Variants in OPCML observed in about 807,000 individuals in gnomAD.
OPCML encodes the protein opioid-binding protein/cell adhesion molecule.
A neutral mutation model predicts 37.8 loss-of-function variants in OPCML; 13 were observed. That is an observed-to-expected ratio of 0.34 (90% CI 0.22 to 0.55). OPCML has a LOEUF of 0.55. Ranked by LOEUF, OPCML falls within the 20% of genes least tolerant of loss-of-function variation. The pLI, the probability that OPCML is intolerant of heterozygous loss-of-function variation, is 0.91. For missense variants in OPCML, 341 were observed against 435.6 expected, an observed-to-expected ratio of 0.78 and a Z score of 1.93; for synonymous variants, 176 against 168.8, an observed-to-expected ratio of 1.04 and a Z score of -0.33.
chr11:132,994,059 C>G (rs748693732), intron 1 of OPCML, among the ~76,000 whole-genome samples: 3 of 152,240 alleles, frequency 2.0e-5, no homozygotes, highest in African/African-American at 4.8e-5. Flanking sequence ...TTACGTTCAT[C>G]AGGACACCAG....
chr11:132,522,279 C>T (rs1295415221), intron 4 of OPCML, among the ~76,000 whole-genome samples: 1 of 152,202 alleles, frequency 6.6e-6, no homozygotes, highest in African/African-American at 2.4e-5. Context: ...TATATCATTC[C>T]CACTCTACAC....
intron 2 of OPCML, among the ~76,000 whole-genome samples, chr11:132,799,195 A>G (rs1452641566): frequency 6.6e-6 from 1 of 152,124 alleles, no homozygotes; most frequent in Non-Finnish European, 1.5e-5. Context: ...CTTCCAATAC[A>G]AAGCTTTTTC....
chr11:132,791,882 T>C (rs1454192359), intron 2 of OPCML, among the ~76,000 whole-genome samples: 1 of 152,196 alleles, frequency 6.6e-6, no homozygotes, highest in Non-Finnish European at 1.5e-5. Context: ...AGTCTGAGCT[T>C]CTGGGGCAGA....
chr11:132,796,384 T>A (rs1938309994), intron 2 of OPCML, among the ~76,000 whole-genome samples: 1 of 152,110 alleles, frequency 6.6e-6, no homozygotes, highest in African/African-American at 2.4e-5. Flanking sequence ...TATATGTTTT[T>A]ATTTCTCTTG....
chr11:133,075,451 C>T (rs569673051), intron 1 of OPCML, among the ~76,000 whole-genome samples: 1 of 152,320 alleles, frequency 6.6e-6, no homozygotes, highest in South Asian at 2.1e-4. Context: ...GAGGCCACTT[C>T]CCAAGGGCTC....
At chr11:133,517,411 T>A (rs1948303280) in intron 1 of OPCML, among the ~76,000 whole-genome samples, 1 of 152,250 alleles carries the variant, frequency 6.6e-6, no homozygotes, top group African/African-American at 2.4e-5. Context: ...CCACTGATAG[T>A]ACAGCGGGTC....
intron 1 of OPCML, among the ~76,000 whole-genome samples, chr11:133,170,330 C>T (rs937428609): frequency 6.6e-6 from 1 of 152,116 alleles, no homozygotes; most frequent in Non-Finnish European, 1.5e-5. Flanking sequence ...CAAAAAAATA[C>T]AAAAACTTAG....
In OPCML at chr11:132,795,794, T is replaced by C. The variant is rs71485755; in HGVS notation, c.147-138475A>G. 7.5e-3 allele frequency among the ~76,000 whole-genome samples: 1,144 copies of C among 152,346 alleles called. 5 individuals are homozygous for C. Among genetic ancestry groups the C allele is most frequent in the Non-Finnish European group, 0.011 (779 of 68,030 alleles). ...CACTTACAGATGAGAAAATTGGGTC[T>C]GAGGCTATATTTAGATTAATAATGG... On this transcript the variant is annotated intron_variant, in intron 2 of 7. Transcript: ENST00000524381.
At chr11:132,796,565 CTTTTTTTTTTTT>C (rs71067396) in intron 2 of OPCML, among the ~76,000 whole-genome samples, 1,853 of 88,680 alleles carry the variant, frequency 0.021, 50 homozygotes, top group African/African-American at 0.079. Flanking sequence ...TTTCTTCTTT[CTTTTTTTTTTTT>C]TTTTTTTTTT....
At chr11:132,996,717 A>T (rs1946895630) in intron 1 of OPCML, among the ~76,000 whole-genome samples, 1 of 151,978 alleles carries the variant, frequency 6.6e-6, no homozygotes, top group Admixed American at 6.6e-5. Flanking sequence ...AGTCTATCTC[A>T]GTAATAATTT....
intron 1 of OPCML, among the ~76,000 whole-genome samples, chr11:133,163,589 T>A (rs992046307): frequency 6.6e-6 from 1 of 152,232 alleles, no homozygotes; most frequent in African/African-American, 2.4e-5. Flanking sequence ...AATCTCAGTA[T>A]ATGGTGTATA....
intron 3 of OPCML, among the ~76,000 whole-genome samples, chr11:132,588,382 G>T (rs996523074): frequency 6.6e-6 from 1 of 152,086 alleles, no homozygotes; most frequent in African/African-American, 2.4e-5. Context: ...TGGCTGAGAT[G>T]GGGGGAGTCT....
At chr11:133,224,563 T>G (rs1468576353) in intron 1 of OPCML, among the ~76,000 whole-genome samples, 1 of 152,184 alleles carries the variant, frequency 6.6e-6, no homozygotes, top group Non-Finnish European at 1.5e-5. Context: ...CCTGCCCAGA[T>G]CCTGCCTGAA....
At chr11:132,785,431 G>T (rs1947176594) in intron 2 of OPCML, among the ~76,000 whole-genome samples, 1 of 152,136 alleles carries the variant, frequency 6.6e-6, no homozygotes, top group African/African-American at 2.4e-5. Flanking sequence ...TACAAATTGT[G>T]ACTTGAAATA....
At chr11:132,891,694 T>C (rs1025397980) in intron 2 of OPCML, among the ~76,000 whole-genome samples, 8 of 152,206 alleles carry the variant, frequency 5.3e-5, no homozygotes, top group African/African-American at 1.7e-4. Flanking sequence ...ATTGAAAGTT[T>C]GCTGAATTAA....
chr11:132,949,068 G>A (rs1291371930), intron 1 of OPCML, among the ~76,000 whole-genome samples: 2 of 152,178 alleles, frequency 1.3e-5, no homozygotes, highest in Non-Finnish European at 2.9e-5. Flanking sequence ...TGCAAAGAAG[G>A]CAAAGAGTTG....
chr11:132,476,518 G>T (rs905920859), intron 4 of OPCML, among the ~76,000 whole-genome samples: 1 of 151,998 alleles, frequency 6.6e-6, no homozygotes. Context: ...CCATAAAAAA[G>T]GATGAGTTCA....
In OPCML at chr11:133,060,427, A is replaced by G. The variant is rs938357984; in HGVS notation, c.62-117417T>C. Among the ~76,000 whole-genome samples the G allele has an allele frequency of 2.6e-5, 4 of 152,352 alleles. No homozygotes were observed. In the South Asian group the frequency reaches 6.2e-4, roughly 24 times the overall value. Reference sequence around the variant, plus strand: ...GCCGCATGCTGTTACATATAGTCACATGTAGAAGACAGTTCTCCACCCTTA... The same window carrying G: ...GCCGCATGCTGTTACATATAGTCACGTGTAGAAGACAGTTCTCCACCCTTA... On this transcript the variant is annotated intron_variant, in intron 1 of 7. Transcript: ENST00000524381.
chr11:133,141,089 AAGAAGGAGAAGAAGAAGC>A lies in OPCML; in HGVS notation c.62-198097_62-198080del, dbSNP rs1949814217. Among the ~76,000 whole-genome samples, 6 of 127,092 alleles carry A rather than the reference AAGAAGGAGAAGAAGAAGC, an allele frequency of 4.7e-5. 2 individuals are homozygous for A. Among genetic ancestry groups the A allele is most frequent in the African/African-American group, 8.6e-5 (3 of 34,906 alleles). The allele number at this position is 127,092 out of a possible 152,430, so 83.4% of individuals were successfully genotyped here. On this transcript the variant is annotated intron_variant, in intron 1 of 7. Transcript: ENST00000524381. ...GAAGAAGAAGAAGAAGAAGAAGAAG[AAGAAGGAGAAGAAGAAGC>A]AGCTGAATGCCAAAGTGTGTGGACT... is the stretch of plus-strand genomic sequence containing the variant.
Sources: gnomAD v4.1 joint callset for allele counts (sites outside exome capture counted in the v4.1 genomes callset) on GRCh38, gnomAD v4.1.1 for gene constraint, MANE v1.5 for transcripts, NCBI Gene and HGNC (gene_info 2026-07-23, HGNC 2026-07-21) for gene names.